Variants in CSMD2 observed in about 807,000 individuals in gnomAD.
CSMD2 encodes the protein CUB and Sushi multiple domains 2.
In CSMD2, 130 loss-of-function variants were observed where a neutral mutation model predicts 398.5. The ratio of observed to expected loss-of-function variants is 0.33; its 90% CI spans 0.28 to 0.38. CSMD2 has a LOEUF of 0.38. Among genes scored for constraint, CSMD2 ranks in the 10% least tolerant of loss-of-function variants. CSMD2 has a pLI of 1.00. For missense variants in CSMD2, 3,829 were observed against 4,764.9 expected, an observed-to-expected ratio of 0.80 and a Z score of 5.78; for synonymous variants, 1,828 against 1,908.5, an observed-to-expected ratio of 0.96 and a Z score of 1.10.
Position 33,624,935 on chromosome 1 carries a change from G to T in CSMD2, c.5500+116C>A. 6 of 1,096,794 alleles carry T rather than the reference G, an allele frequency of 5.5e-6. No homozygotes were observed. The highest frequency in any genetic ancestry group is 8.1e-6 in the Non-Finnish European group (6 of 739,118). The allele number at this position is 1,096,794 out of a possible 1,614,324, so 67.9% of individuals were successfully genotyped here. On this transcript the variant is annotated intron_variant, in intron 34 of 70. Coordinates refer to ENST00000373381, the MANE Select transcript of CSMD2 (RefSeq NM_001281956.2). The surrounding 1 kb of genome is among the most constrained non-coding windows in gnomAD (Gnocchi z 4.7). ...CTGGGACACCCCACCTCAGCCATGCGGTGGGAAGCGGCTGCTGTGTGTCGT... is the reference window on the plus strand; with the variant it reads ...CTGGGACACCCCACCTCAGCCATGCTGTGGGAAGCGGCTGCTGTGTGTCGT...
In CSMD2 at chr1:34,088,965, G is replaced by C. The variant is rs757058088; in HGVS notation, c.404+12C>G. 5.6e-5 allele frequency: 90 copies of C among 1,607,694 alleles called. No individual in the cohort carries two copies. The highest frequency in any genetic ancestry group is 7.0e-5 in the Non-Finnish European group (82 of 1,175,414). ...CAGCTGTTTGCTACAGGGAAGGTGGGCAGCATGGTACCTCGTACGCAGATT... is the reference window on the plus strand; with the variant it reads ...CAGCTGTTTGCTACAGGGAAGGTGGCCAGCATGGTACCTCGTACGCAGATT... On this transcript the variant is annotated intron_variant, in intron 2 of 70. Coordinates refer to ENST00000373381, the MANE Select transcript of CSMD2 (RefSeq NM_001281956.2).
At chr1:34,019,181 C>T (rs1648549815) in intron 3 of CSMD2, among the ~76,000 whole-genome samples, 1 of 152,134 alleles carries the variant, frequency 6.6e-6, no homozygotes, top group Non-Finnish European at 1.5e-5. Flanking sequence ...CTGGTAAGAG[C>T]CCCAGCAATG....
At chr1:33,779,919 G>C (rs1652496280) in intron 12 of CSMD2, among the ~76,000 whole-genome samples, 1 of 152,174 alleles carries the variant, frequency 6.6e-6, no homozygotes. Context: ...GGGGAGGATG[G>C]AGGAGAGGAT....
chr1:34,066,529 C>G (rs1655131836), intron 2 of CSMD2, among the ~76,000 whole-genome samples: 1 of 152,120 alleles, frequency 6.6e-6, no homozygotes, highest in Non-Finnish European at 1.5e-5. Context: ...GGGGGGATGC[C>G]ATGAAGCTCG....
intron 5 of CSMD2, among the ~76,000 whole-genome samples, chr1:33,867,081 T>C (rs552428702): frequency 2.0e-5 from 3 of 152,234 alleles, no homozygotes; most frequent in Non-Finnish European, 4.4e-5. Flanking sequence ...TTCTAACCCA[T>C]AGAATGTGGC....
In CSMD2 at chr1:33,537,393, G is replaced by A. The variant is rs199512665; in HGVS notation, c.9805+43C>T. 3.1e-5 allele frequency: 49 copies of A among 1,570,270 alleles called. No homozygotes were observed. Among genetic ancestry groups the A allele is most frequent in the African/African-American group, 6.8e-5 (5 of 73,680 alleles). ...TCTCAGGCCCAAAAGAAGGTCTCCC[G>A]CAACCCCAGCCAAGACGCTCCCTGC... is the stretch of plus-strand genomic sequence containing the variant. On this transcript the variant is annotated intron_variant, in intron 61 of 70. Coordinates refer to ENST00000373381, the MANE Select transcript of CSMD2 (RefSeq NM_001281956.2). The surrounding 1 kb of genome is among the most constrained non-coding windows in gnomAD (Gnocchi z 4.6).
In CSMD2 at chr1:33,804,197, T is replaced by C. The variant is rs777779766; in HGVS notation, c.1446+6546A>G. ...GACAGGCATACAATAAGAGCTATTA[T>C]TGTTGTTAACAACAGCCTAACACTG... On this transcript the variant is annotated intron_variant, in intron 10 of 70. Coordinates refer to ENST00000373381, the MANE Select transcript of CSMD2 (RefSeq NM_001281956.2). Among the ~76,000 whole-genome samples the C allele has an allele frequency of 3.2e-4, 48 of 152,376 alleles. 1 individual carries two copies. Among genetic ancestry groups the C allele is most frequent in the Middle Eastern group, 3.4e-3 (1 of 294 alleles).
At chr1:33,614,292 C>T (rs1641240763) in intron 40 of CSMD2, among the ~76,000 whole-genome samples, 1 of 151,980 alleles carries the variant, frequency 6.6e-6, no homozygotes, top group Non-Finnish European at 1.5e-5. Flanking sequence ...TAATGGCAAC[C>T]CCTAAGATTT....
chr1:33,527,940 C>CAAA (rs61088318), intron 64 of CSMD2, among the ~76,000 whole-genome samples: 7 of 108,550 alleles, frequency 6.4e-5, no homozygotes, highest in Non-Finnish European at 1.1e-4. Flanking sequence ...GACTCTGTCT[C>CAAA]AAAAAAAAAA....
chr1:33,944,013 T>C (rs116710166), intron 3 of CSMD2, among the ~76,000 whole-genome samples: 2,130 of 151,298 alleles, frequency 0.014, 50 homozygotes, highest in African/African-American at 0.048. Flanking sequence ...CAGGGCCAGA[T>C]AGTAAATATT....
intron 12 of CSMD2, among the ~76,000 whole-genome samples, chr1:33,778,610 T>G (rs1001355822): frequency 7.9e-5 from 12 of 152,108 alleles, no homozygotes; most frequent in Non-Finnish European, 1.3e-4. Context: ...CAGAATACTC[T>G]GAGCTTAGCA....
intron 22 of CSMD2, among the ~76,000 whole-genome samples, chr1:33,706,106 T>C (rs1364692613): frequency 2.6e-5 from 4 of 152,206 alleles, no homozygotes. Context: ...AGTTAGGTGA[T>C]ATGTCACAGA....
intron 1 of CSMD2, among the ~76,000 whole-genome samples, chr1:34,112,702 T>C (rs1661212696): frequency 6.6e-6 from 1 of 152,108 alleles, no homozygotes; most frequent in East Asian, 1.9e-4. Context: ...CTATAAAGAG[T>C]AAAATCTATA....
chr1:33,671,415 A>T (rs1054635373), intron 25 of CSMD2, among the ~76,000 whole-genome samples: 2 of 151,934 alleles, frequency 1.3e-5, no homozygotes, highest in African/African-American at 4.8e-5. Context: ...TCTCCCTCCC[A>T]TTCCTTGGTG....
intron 14 of CSMD2, among the ~76,000 whole-genome samples, chr1:33,743,025 C>T (rs1237848472): frequency 6.6e-6 from 1 of 152,184 alleles, no homozygotes; most frequent in East Asian, 1.9e-4. Context: ...GTTCCTTTTA[C>T]ATTATATATC....
At chr1:33,585,826 T>C (rs148314476) in intron 46 of CSMD2, among the ~76,000 whole-genome samples, 2 of 152,344 alleles carry the variant, frequency 1.3e-5, no homozygotes, top group African/African-American at 4.8e-5. Flanking sequence ...AATGATAATA[T>C]TAACACAAAT....
intron 67 of CSMD2, 141 bp from the exon 68 acceptor site, chr1:33,521,691 A>G (rs759263666): frequency 1.2e-5 from 8 of 668,742 alleles, no homozygotes; most frequent in Non-Finnish European, 2.2e-5. Flanking sequence ...GCCCACACCT[A>G]GGCAAGGGTG....
chr1:33,865,948 G>A (rs1640001338), intron 5 of CSMD2, among the ~76,000 whole-genome samples: 1 of 152,060 alleles, frequency 6.6e-6, no homozygotes, highest in Admixed American at 6.6e-5. Context: ...TTTTGAAATG[G>A]TTCTTCTGAC....
At position 34,009,832 on chromosome 1, in the gene CSMD2, C is replaced by T. The variant is rs1647188186; in HGVS notation, c.517+22762G>A. Among the ~76,000 whole-genome samples, 4 of 152,262 alleles carry T rather than the reference C, an allele frequency of 2.6e-5. No individual in the cohort carries two copies. The South Asian group carries it at 8.3e-4, about 32-fold the overall frequency. On this transcript the variant is annotated intron_variant, in intron 3 of 70. Transcript: ENST00000373381. The stretch of plus-strand genomic sequence containing the variant: ...TCCTGCTGATTTCACTCCTATGTGA[C>T]TCAACCCTAGTCTCTCCCCTACATC...
Sources: allele counts gnomAD v4.1 joint callset (sites outside exome capture counted in the v4.1 genomes callset), GRCh38; gene constraint gnomAD v4.1.1; non-coding constraint Gnocchi (gnomAD v3.1); transcripts MANE v1.5; gene names NCBI Gene and HGNC (gene_info 2026-07-23, HGNC 2026-07-21).